PCDHGA1: variants seen among roughly 807,000 people sequenced by gnomAD.
The protein encoded by PCDHGA1 is protocadherin gamma subfamily A, 1.
PCDHGA1 carries 32 observed loss-of-function variants against 58.0 expected under a neutral mutation model. The ratio of observed to expected loss-of-function variants is 0.55; its 90% confidence interval spans 0.42 to 0.74. The LOEUF (loss-of-function observed/expected upper bound fraction) is 0.74, where lower values mean the gene tolerates loss of function less well. PCDHGA1 is among the 30% of genes least tolerant of loss of function. The pLI is 0.00. For missense variants in PCDHGA1, 1,205 were observed against 1,182.3 expected (o/e 1.02, Z -0.28); for synonymous variants, 498 against 501.1 (o/e 0.99, Z 0.08).
At chr5:141,402,580 T>C (rs1217508250) in intron 1 of PCDHGA1, among the ~76,000 whole-genome samples, 3 of 152,226 alleles carry the variant, frequency 2.0e-5, no homozygotes, top group South Asian at 4.1e-4. Context: ...CTCAGATATC[T>C]AAAAAATAGA....
At chr5:141,370,569 G>A (rs761678477) in intron 1 of PCDHGA1, 4 of 1,613,946 alleles carry the variant, frequency 2.5e-6, no homozygotes, top group Middle Eastern at 1.6e-4. Flanking sequence ...GTTTGGCGTG[G>A]GGGATTTACC....
chr5:141,366,450 T>C, intron 1 of PCDHGA1: 6 of 1,614,230 alleles, frequency 3.7e-6, no homozygotes, highest in Non-Finnish European at 5.1e-6. Flanking sequence ...TTCCTGGCCT[T>C]CGTCATCGTG....
intron 1 of PCDHGA1, chr5:141,408,468 G>T: frequency 6.2e-7 from 1 of 1,614,070 alleles, no homozygotes; most frequent in Non-Finnish European, 8.5e-7. Context: ...GTGAAGAACC[G>T]AATAGACCGT....
rs1047101891 is a variant in PCDHGA1 at position 141,355,001 on chromosome 5, G to A, written c.2421+21896G>A. On this transcript the variant is annotated intron_variant, in intron 1 of 3. Coordinates refer to ENST00000517417, the MANE Select transcript of PCDHGA1 (RefSeq NM_018912.3). ...CGCTGTTCACCAATCAGGGGGAAAA[G>A]ACAAACCAGAAATTTAATCAGAATC... 2.8e-5 allele frequency: 21 copies of A among 754,922 alleles called. No homozygotes were observed. The African/African-American group carries it at 3.4e-4, about 12-fold the overall frequency. 46.8% of individuals were successfully genotyped at this position (754,922 alleles called of 1,614,324 possible). A position where few individuals can be genotyped will look rare whatever the true frequency, so the allele number is the denominator to read the frequency against.
rs566635689 is a variant in PCDHGA1, at chr5:141,469,738, C to G, written c.2422-25069C>G. ...AGGAATTTATCATAAATACACACCT[C>G]AAAAATTACAAAAATACATATATAC... is the stretch of plus-strand genomic sequence containing the variant. On this transcript the variant is annotated intron_variant, in intron 1 of 3. Transcript: ENST00000517417. 6.7e-4 allele frequency among the ~76,000 whole-genome samples: 102 copies of G among 152,292 alleles called. 2 individuals are homozygous for G. Among genetic ancestry groups the G allele is most frequent in the African/African-American group, 2.4e-3 (99 of 41,552 alleles).
At position 141,410,351 on chromosome 5, in the gene PCDHGA1, C is replaced by T. The variant is rs372351374; in HGVS notation, c.2421+77246C>T. ...TCTGGCCATTGCCTTGCGCCTGCGA[C>T]GCTCTCTCAGCCCTGCTACTTGGGA... On this transcript the variant is annotated intron_variant, in intron 1 of 3. Coordinates refer to ENST00000517417, the MANE Select transcript of PCDHGA1 (RefSeq NM_018912.3). The T allele has an allele frequency of 2.5e-6, 4 of 1,613,948 alleles. No homozygotes were observed. In the African/African-American group the frequency reaches 4.0e-5, roughly 16 times the overall value.
chr5:141,405,414 T>G, intron 1 of PCDHGA1: 3 of 1,562,312 alleles, frequency 1.9e-6, no homozygotes, highest in Non-Finnish European at 2.6e-6. Flanking sequence ...TTTCTTTTTT[T>G]GTTTTTTGTT....
At chr5:141,339,137 C>T in intron 1 of PCDHGA1, 1 of 1,614,166 alleles carries the variant, frequency 6.2e-7, no homozygotes, top group Non-Finnish European at 8.5e-7. Context: ...GGGTTTGGAG[C>T]CCCTGGCACT....
chr5:141,351,870 C>A lies in PCDHGA1; in HGVS notation c.2421+18765C>A, dbSNP rs545715349. ...CAGGCCAGGGACCAGGGCTCCCCCG[C>A]GCTCAGCGCCAACGTGAGCCTGCGC... is the stretch of plus-strand genomic sequence containing the variant. On this transcript the variant is annotated intron_variant, in intron 1 of 3. Coordinates refer to ENST00000517417, the MANE Select transcript of PCDHGA1 (RefSeq NM_018912.3). The A allele has an allele frequency of 3.4e-5, 55 of 1,613,282 alleles. No individual in the cohort carries two copies. The East Asian group carries it at 1.1e-3, about 33-fold the overall frequency.
chr5:141,404,043 C>G (rs781644500), intron 1 of PCDHGA1: 1 of 1,613,726 alleles, frequency 6.2e-7, no homozygotes, highest in African/African-American at 1.3e-5. Flanking sequence ...CCTCAGGGAA[C>G]AGTAATTCTT....
intron 1 of PCDHGA1, among the ~76,000 whole-genome samples, chr5:141,437,026 A>G (rs1398960659): frequency 6.6e-6 from 1 of 152,258 alleles, no homozygotes; most frequent in Non-Finnish European, 1.5e-5. Context: ...TCACCAGAAA[A>G]TGGATCACCG....
chr5:141,387,767 T>C, intron 1 of PCDHGA1: 5 of 1,435,258 alleles, frequency 3.5e-6, no homozygotes, highest in Non-Finnish European at 4.6e-6. Context: ...AAGAAGAATT[T>C]TTTCTTGAAC....
intron 1 of PCDHGA1, chr5:141,424,104 A>G (rs1049098128): frequency 6.2e-6 from 5 of 812,458 alleles, no homozygotes; most frequent in Non-Finnish European, 6.1e-6. Flanking sequence ...ATTACTGCTA[A>G]TGTTCAAATT....
At chr5:141,361,284 C>T in intron 1 of PCDHGA1, 1 of 1,614,018 alleles carries the variant, frequency 6.2e-7, no homozygotes, top group Non-Finnish European at 8.5e-7. Flanking sequence ...GAGAAGTTTA[C>T]TGCCAAGTGT....
intron 1 of PCDHGA1, chr5:141,357,767 C>A: frequency 2.1e-6 from 2 of 947,568 alleles, no homozygotes; most frequent in Non-Finnish European, 1.5e-6. Context: ...GATGACCTTC[C>A]AATAATGATC....
intron 1 of PCDHGA1, among the ~76,000 whole-genome samples, chr5:141,425,103 A>G (rs894147422): frequency 1.3e-5 from 2 of 152,202 alleles, no homozygotes; most frequent in Non-Finnish European, 2.9e-5. Flanking sequence ...CTTCCAACAG[A>G]TGCCTACATT....
chr5:141,375,606 A>C, intron 1 of PCDHGA1: 1 of 1,613,922 alleles, frequency 6.2e-7, no homozygotes, highest in Non-Finnish European at 8.5e-7. Context: ...GTGTCCATCA[A>C]CTCCGACACT....
intron 1 of PCDHGA1, chr5:141,421,807 G>C (rs1435916603): frequency 6.2e-7 from 1 of 1,613,852 alleles, no homozygotes; most frequent in Admixed American, 1.7e-5. Flanking sequence ...CAAGAATCCA[G>C]AGCTAGTACT....
intron 1 of PCDHGA1, chr5:141,379,340 T>C (rs576770875): frequency 1.3e-5 from 2 of 152,350 alleles, no homozygotes; most frequent in South Asian, 4.1e-4. Flanking sequence ...TCTTCAAAGC[T>C]CATTTTCTTG....
Sources: gnomAD v4.1 joint callset for allele counts (sites outside exome capture counted in the v4.1 genomes callset) on GRCh38, gnomAD v4.1.1 for gene constraint, MANE v1.5 for transcripts, NCBI Gene and HGNC (gene_info 2026-07-23, HGNC 2026-07-21) for gene names.